The following SOCS6 variants were observed in gnomAD, a reference collection of about 807,000 sequenced individuals.
The protein encoded by SOCS6 is suppressor of cytokine signaling 6.
Under a neutral mutation model 27.7 loss-of-function variants are expected in SOCS6, and 5 were observed. The observed-to-expected ratio is 0.18, with a 90% CI of 0.09 to 0.38. The LOEUF (loss-of-function observed/expected upper bound fraction) is 0.38, where lower values mean the gene tolerates loss of function less well. SOCS6 is among the 10% of genes least tolerant of loss of function. The probability of loss-of-function intolerance (pLI) is 1.00; values close to 1 mark genes in which losing one functional copy is unlikely to be tolerated. For missense variants in SOCS6, 595 were observed against 688.1 expected (o/e 0.86, Z 1.51); for synonymous variants, 271 against 260.0 (o/e 1.04, Z -0.41).
At chr18:70,294,112 A>G (rs952548646) in intron 1 of SOCS6, among the ~76,000 whole-genome samples, 30 of 149,778 alleles carry the variant, frequency 2.0e-4, no homozygotes, top group African/African-American at 7.4e-4. Context: ...AAAGAAAGAA[A>G]ATGGAATGAG....
At chr18:70,320,488 TCCC>T (rs1910944067) in intron 1 of SOCS6, among the ~76,000 whole-genome samples, 1 of 152,162 alleles carries the variant, frequency 6.6e-6, no homozygotes, top group South Asian at 2.1e-4. Context: ...TTACAGGTAG[TCCC>T]CTATGCACAG....
At chr18:70,290,491 C>T (rs554517355) in intron 1 of SOCS6, among the ~76,000 whole-genome samples, 1 of 152,284 alleles carries the variant, frequency 6.6e-6, no homozygotes, top group South Asian at 2.1e-4. Flanking sequence ...AATACTTTTC[C>T]GTGGGCTTTC....
chr18:70,327,735 T>G lies in SOCS6; in HGVS notation c.*1459T>G, dbSNP rs1911264896. 6.0e-6 allele frequency: 1 copy of G among 166,968 alleles called. No homozygotes were observed. The highest frequency in any genetic ancestry group is 1.5e-5 in the Non-Finnish European group (1 of 68,094). 10.3% of individuals were successfully genotyped at this position (166,968 alleles called of 1,614,324 possible). A position where few individuals can be genotyped will look rare whatever the true frequency, so the allele number is the denominator to read the frequency against. On this transcript the variant is annotated 3_prime_UTR_variant, in exon 2 of 2. Coordinates refer to ENST00000397942, the MANE Select transcript of SOCS6 (RefSeq NM_004232.4). The stretch of plus-strand genomic sequence containing the variant: ...CCAGAAAATTTTCAGCTACACACCT[T>G]TAAAGGAAAATGTTTCTATCTCAGA...
At chr18:70,298,037 C>T (rs552575442) in intron 1 of SOCS6, among the ~76,000 whole-genome samples, 1 of 152,252 alleles carries the variant, frequency 6.6e-6, no homozygotes, top group African/African-American at 2.4e-5. Context: ...GCTCTGAGAG[C>T]AGTCATAACA....
chr18:70,301,339 A>G (rs1762105729), intron 1 of SOCS6, among the ~76,000 whole-genome samples: 1 of 152,188 alleles, frequency 6.6e-6, no homozygotes, highest in Admixed American at 6.5e-5. Flanking sequence ...TAGTGGCAAA[A>G]AGTAGTTGGA....
intron 1 of SOCS6, among the ~76,000 whole-genome samples, chr18:70,290,912 A>G (rs1042082678): frequency 6.7e-6 from 1 of 149,678 alleles, no homozygotes; most frequent in African/African-American, 2.5e-5. Context: ...TCATCCCATG[A>G]CCCCCTCTCT....
intron 1 of SOCS6, among the ~76,000 whole-genome samples, chr18:70,312,308 G>A (rs545824502): frequency 6.6e-6 from 1 of 151,668 alleles, no homozygotes. Context: ...ATCAAGTAAT[G>A]TTTGCTTTTT....
chr18:70,315,752 A>C (rs1209827911), intron 1 of SOCS6, among the ~76,000 whole-genome samples: 1 of 152,002 alleles, frequency 6.6e-6, no homozygotes, highest in Non-Finnish European at 1.5e-5. Context: ...TGCATAATTT[A>C]TTTCTTTTAA....
At position 70,320,891 on chromosome 18, in the gene SOCS6, G is replaced by A. The variant is rs534480177; in HGVS notation, c.-126-3652G>A. Among the ~76,000 whole-genome samples the A allele has an allele frequency of 6.2e-4, 95 of 152,290 alleles. No individual in the cohort carries two copies. In the Middle Eastern group the frequency reaches 0.017, roughly 27 times the overall value. On this transcript the variant is annotated intron_variant, in intron 1 of 1. Coordinates refer to ENST00000397942, the MANE Select transcript of SOCS6 (RefSeq NM_004232.4). ...TCAGGCAGAAGAGATTTACAGTAAT[G>A]TCATGTGGTACCACTTTCACTGATT...
Position 70,326,136 on chromosome 18 carries a change from C to CCAGT in SOCS6, c.1469_1472dup (p.Arg493ValfsTer48). ...AACTTACCCCGTCAGACTGACCAAC[C>CCAGT]CAGTGTCCCGGTTCATGCAGGTGCG... On this transcript the variant is annotated frameshift_variant, in exon 2 of 2. Coordinates refer to ENST00000397942, the MANE Select transcript of SOCS6 (RefSeq NM_004232.4). LOFTEE classifies it high-confidence loss of function. The CCAGT allele has an allele frequency of 6.2e-7, 1 of 1,614,152 alleles. No homozygotes were observed. The highest frequency in any genetic ancestry group is 8.5e-7 in the Non-Finnish European group (1 of 1,180,026).
At position 70,306,343 on chromosome 18, in the gene SOCS6, G is replaced by T. The variant is rs192207800; in HGVS notation, c.-127+17253G>T. 7.9e-5 allele frequency among the ~76,000 whole-genome samples: 12 copies of T among 151,754 alleles called. No homozygotes were observed. The South Asian group carries it at 2.3e-3, about 29-fold the overall frequency. On this transcript the variant is annotated intron_variant, in intron 1 of 1. Coordinates refer to ENST00000397942, the MANE Select transcript of SOCS6 (RefSeq NM_004232.4). ...CAAAAAATTAGCTGGGTGTGGTGGC[G>T]CACGCTACTGGGGAGGCTACTGGGG... is the stretch of plus-strand genomic sequence containing the variant.
rs200886437 is a variant in SOCS6, at chr18:70,325,520, C to T, written c.852C>T (p.Ser284=). 31 of 1,614,042 alleles carry T rather than the reference C, an allele frequency of 1.9e-5. No homozygotes were observed. The highest frequency in any genetic ancestry group is 2.4e-5 in the Non-Finnish European group (28 of 1,180,024). Residue 284 remains serine, a synonymous_variant, in exon 2 of 2, where the codon TCC becomes TCT. Coordinates refer to ENST00000397942, the MANE Select transcript of SOCS6 (RefSeq NM_004232.4). This position sits in a 1 kb window ranked among gnomAD's most constrained non-coding sequence, Gnocchi z 6.3. The part of the protein sequence containing the change: ...VVAPEIFVDQ[S]VNGLLIGTTG... ...CCCCAGAGATCTTCGTGGATCAGTC[C>T]GTGAATGGCTTGTTGATTGGCACCA...
intron 1 of SOCS6, among the ~76,000 whole-genome samples, chr18:70,305,477 C>T (rs1223085401): frequency 6.6e-6 from 1 of 152,210 alleles, no homozygotes; most frequent in Non-Finnish European, 1.5e-5. Flanking sequence ...CAGCAGCACA[C>T]TGTCTTGATT....
chr18:70,318,235 T>C (rs1910840255), intron 1 of SOCS6, among the ~76,000 whole-genome samples: 1 of 152,180 alleles, frequency 6.6e-6, no homozygotes, highest in African/African-American at 2.4e-5. Flanking sequence ...AGAAAACATT[T>C]TTAGCCACCT....
intron 1 of SOCS6, among the ~76,000 whole-genome samples, chr18:70,319,430 T>C (rs1398509186): frequency 2.0e-5 from 3 of 152,180 alleles, no homozygotes; most frequent in Non-Finnish European, 4.4e-5. Flanking sequence ...CTCTGGTCTG[T>C]GGATCCTCTT....
intron 1 of SOCS6, among the ~76,000 whole-genome samples, chr18:70,316,331 GTT>G (rs1337767329): frequency 6.6e-6 from 1 of 151,982 alleles, no homozygotes; most frequent in Non-Finnish European, 1.5e-5. Context: ...ATTTATGAAG[GTT>G]TTCATTGGGG....
At chr18:70,314,686 GAATTTTCA>G (rs2062404514) in intron 1 of SOCS6, among the ~76,000 whole-genome samples, 1 of 152,060 alleles carries the variant, frequency 6.6e-6, no homozygotes, top group Non-Finnish European at 1.5e-5. Flanking sequence ...TGCATCTATT[GAATTTTCA>G]GATGTTTAAT....
chr18:70,321,486 AT>A (rs765150837), intron 1 of SOCS6, among the ~76,000 whole-genome samples: 29,119 of 112,434 alleles, frequency 0.26, 3,588 homozygotes, highest in East Asian at 0.65. Flanking sequence ...ATGCCTGGCT[AT>A]TTTTTTTTTT....
In SOCS6 at chr18:70,330,080, G is replaced by A. The variant is rs952365718; in HGVS notation, c.*3804G>A. 1.2e-5 allele frequency: 2 copies of A among 167,016 alleles called. No homozygotes were observed. The highest frequency in any genetic ancestry group is 2.1e-4 in the South Asian group (1 of 4,828). The allele number at this position is 167,016 out of a possible 1,614,324, so 10.3% of individuals were successfully genotyped here. The stretch of plus-strand genomic sequence containing the variant: ...ATCCAAAGTCCATTGATTTTAATAC[G>A]TGTTTTGGTTTGTAAACAAATTATA... On this transcript the variant is annotated 3_prime_UTR_variant, in exon 2 of 2. Transcript: ENST00000397942.
Sources: allele counts gnomAD v4.1 joint callset (sites outside exome capture counted in the v4.1 genomes callset), GRCh38; gene constraint gnomAD v4.1.1; non-coding constraint Gnocchi (gnomAD v3.1); transcripts MANE v1.5; gene names NCBI Gene and HGNC (gene_info 2026-07-23, HGNC 2026-07-21).